Variants in ATP8B4 observed in about 807,000 individuals in gnomAD.
ATP8B4 encodes probable phospholipid-transporting ATPase IM.
ATP8B4 carries 133 observed loss-of-function variants against 145.6 expected under a neutral mutation model. That is an observed-to-expected ratio of 0.91 (90% CI 0.79 to 1.05). ATP8B4 has a LOEUF of 1.05. ATP8B4 is among the 50% of genes least tolerant of loss of function. The pLI, the probability that ATP8B4 is intolerant of heterozygous loss-of-function variation, is 0.00. For synonymous variants in ATP8B4, 507 were observed against 492.9 expected (o/e 1.03, Z -0.38); for missense variants, 1,458 against 1,425.2 (o/e 1.02, Z -0.37).
Position 50,074,113 on chromosome 15 carries a change from T to G in ATP8B4, c.87+14A>C, listed in dbSNP as rs1456170384. The G allele has an allele frequency of 6.2e-7, 1 of 1,607,900 alleles. No individual in the cohort carries two copies. On this transcript the variant is annotated intron_variant, in intron 3 of 27. Coordinates refer to ENST00000284509, the MANE Select transcript of ATP8B4 (RefSeq NM_024837.4). ...CCTATCCTAGTACGTATGTGTTATG[T>G]GTGTTTCACTTACCGCATACTGGAA...
At chr15:50,130,398 T>C (rs1447761415) in intron 1 of ATP8B4, among the ~76,000 whole-genome samples, 3 of 152,200 alleles carry the variant, frequency 2.0e-5, no homozygotes, top group African/African-American at 7.2e-5. Flanking sequence ...ACTCCTGTGA[T>C]AAGATTACCC....
In ATP8B4 at chr15:49,996,736, T is replaced by C; in HGVS notation, c.530A>G (p.His177Arg). 6.2e-7 allele frequency: 1 copy of C among 1,610,694 alleles called. No individual in the cohort carries two copies. Among genetic ancestry groups the C allele is most frequent in the Non-Finnish European group, 8.5e-7 (1 of 1,177,600 alleles). ...AAGTTCTGAAGTAACTGATAGTGCATGGCGGACTTTTAGGTTCGTTTCCCT... is the reference window on the plus strand; with the variant it reads ...AAGTTCTGAAGTAACTGATAGTGCACGGCGGACTTTTAGGTTCGTTTCCCT... ...LDGETNLKVR[H>R]ALSVTSELGA... The change falls in exon 9 of 28, where the codon CAT becomes CGT. Residue 177 changes from histidine to arginine, a missense_variant. Physicochemically the swap from His to Arg is conservative, Grantham distance 29. Coordinates refer to ENST00000284509, the MANE Select transcript of ATP8B4 (RefSeq NM_024837.4).
chr15:50,162,513 TTTTTTC>T (rs1287931120), intron 1 of ATP8B4, among the ~76,000 whole-genome samples: 8 of 152,052 alleles, frequency 5.3e-5, no homozygotes, highest in Non-Finnish European at 1.0e-4. Context: ...TCTTTTTTGT[TTTTTTC>T]TTTTTTAGAT....
chr15:50,042,360 A>G (rs767240377), intron 5 of ATP8B4, among the ~76,000 whole-genome samples: 1 of 152,218 alleles, frequency 6.6e-6, no homozygotes, highest in Non-Finnish European at 1.5e-5. Context: ...AAAAAATTAT[A>G]TGTAAGATAA....
intron 6 of ATP8B4, among the ~76,000 whole-genome samples, chr15:50,030,229 A>G (rs2050329743): frequency 6.6e-6 from 1 of 152,150 alleles, no homozygotes; most frequent in Non-Finnish European, 1.5e-5. Flanking sequence ...CCTCCCAATA[A>G]CAACTGAGAA....
chr15:49,942,616 A>T (rs548192678), intron 14 of ATP8B4, among the ~76,000 whole-genome samples: 9 of 150,934 alleles, frequency 6.0e-5, no homozygotes, highest in African/African-American at 9.8e-5. Context: ...AAAGTCATTT[A>T]AAAAAAAAGT....
intron 2 of ATP8B4, among the ~76,000 whole-genome samples, chr15:50,087,362 TAATAA>T (rs1342072958): frequency 1.4e-5 from 2 of 138,506 alleles, no homozygotes; most frequent in Non-Finnish European, 3.1e-5. Flanking sequence ...ATATTATATA[TAATAA>T]AATAATATAT....
chr15:50,104,868 C>CAT (rs2056585186), intron 2 of ATP8B4, among the ~76,000 whole-genome samples: 4 of 73,422 alleles, frequency 5.4e-5, no homozygotes, highest in African/African-American at 8.0e-5. Flanking sequence ...ATGTTGCATA[C>CAT]ACACACACAC....
intron 1 of ATP8B4, among the ~76,000 whole-genome samples, chr15:50,130,672 A>G (rs1371598877): frequency 1.3e-5 from 2 of 152,122 alleles, no homozygotes; most frequent in Admixed American, 1.3e-4. Flanking sequence ...GCTACTCAGG[A>G]GGCTGAGGCA....
In ATP8B4 at chr15:49,898,092, C is replaced by T. The variant is rs763308952; in HGVS notation, c.2449G>A (p.Ala817Thr). The change falls in exon 22 of 28, where the codon GCC (alanine) becomes ACC (threonine). Residue 817 changes from alanine to threonine, a missense_variant. Physicochemically the swap from Ala to Thr is moderately conservative, Grantham distance 58. Transcript: ENST00000284509. ...NAVTLAIGDG[A>T]NDVSMIKSAH... is the part of the protein sequence containing the mutation. Reference sequence around the variant, plus strand: ...CTTTTAATCATGCTGACATCATTGGCTCCATCACCAATGGCCAAAGTAACA... The same window carrying T: ...CTTTTAATCATGCTGACATCATTGGTTCCATCACCAATGGCCAAAGTAACA... 6.8e-6 allele frequency: 11 copies of T among 1,613,824 alleles called. No homozygotes were observed. In the South Asian group the frequency reaches 1.2e-4, roughly 18 times the overall value.
chr15:49,867,054 G>A (rs762538995), intron 25 of ATP8B4, among the ~76,000 whole-genome samples: 1 of 152,128 alleles, frequency 6.6e-6, no homozygotes, highest in Non-Finnish European at 1.5e-5. Flanking sequence ...ATTCACAATG[G>A]CCTGGAAGCA....
chr15:49,937,343 T>A (rs1266828165), intron 14 of ATP8B4, among the ~76,000 whole-genome samples: 1 of 152,170 alleles, frequency 6.6e-6, no homozygotes, highest in Non-Finnish European at 1.5e-5. Context: ...AAAACCCTCA[T>A]TAGCTGCCCC....
At chr15:49,985,922 A>G (rs1329798763) in intron 10 of ATP8B4, among the ~76,000 whole-genome samples, 1 of 152,208 alleles carries the variant, frequency 6.6e-6, no homozygotes, top group Non-Finnish European at 1.5e-5. Flanking sequence ...TAAGTAACCA[A>G]AGCTTACAGT....
chr15:50,036,287 G>A (rs891737671), intron 6 of ATP8B4, among the ~76,000 whole-genome samples: 2 of 152,094 alleles, frequency 1.3e-5, no homozygotes, highest in Admixed American at 1.3e-4. Context: ...CGAGCTCAAG[G>A]GGCACTCATG....
In ATP8B4 at chr15:49,876,361, C is replaced by T; in HGVS notation, c.2944G>A (p.Gly982Arg). ...IPYGAFYNVA[G>R]EDGQHIADYQ... Reference sequence around the variant, plus strand: ...TCAGCAATATGTTGCCCATCTTCTCCAGCCACGTTGTAAAAGGCCCCATAG... The same window carrying T: ...TCAGCAATATGTTGCCCATCTTCTCTAGCCACGTTGTAAAAGGCCCCATAG... The change falls in exon 25 of 28, where the codon GGA becomes AGA. Residue 982 changes from glycine (G) to arginine (R), a missense_variant. By Grantham distance (125) the Gly-to-Arg change is moderately radical. Coordinates refer to ENST00000284509, the MANE Select transcript of ATP8B4 (RefSeq NM_024837.4). 1 of 1,614,088 alleles carries T rather than the reference C, an allele frequency of 6.2e-7. No individual in the cohort carries two copies. Among genetic ancestry groups the T allele is most frequent in the Non-Finnish European group, 8.5e-7 (1 of 1,179,984 alleles).
At chr15:50,032,196 C>G (rs186765112) in intron 6 of ATP8B4, among the ~76,000 whole-genome samples, 1,571 of 152,110 alleles carry the variant, frequency 0.01, 11 homozygotes, top group Non-Finnish European at 0.016. Context: ...CCCCCCACCC[C>G]CTGACAGGCC....
chr15:50,009,659 T>G (rs1344559292), intron 7 of ATP8B4: 1 of 455,146 alleles, frequency 2.2e-6, no homozygotes, highest in Non-Finnish European at 4.4e-6. Context: ...CAGGGTATTA[T>G]TCCTAATCTT....
chr15:50,140,008 G>T (rs534190407), intron 1 of ATP8B4, among the ~76,000 whole-genome samples: 1 of 152,128 alleles, frequency 6.6e-6, no homozygotes, highest in East Asian at 1.9e-4. Flanking sequence ...GGACTTTAGA[G>T]ATTCAGAAGG....
chr15:49,925,171 A>G (rs1036857093), intron 16 of ATP8B4, among the ~76,000 whole-genome samples: 2 of 152,164 alleles, frequency 1.3e-5, no homozygotes, highest in African/African-American at 4.8e-5. Flanking sequence ...TATCAGTTTT[A>G]TAACACTAGT....
Sources: allele counts gnomAD v4.1 joint callset (sites outside exome capture counted in the v4.1 genomes callset), GRCh38; gene constraint gnomAD v4.1.1; transcripts MANE v1.5; gene names NCBI Gene and HGNC (gene_info 2026-07-23, HGNC 2026-07-21).